FIGLA: variants seen among roughly 807,000 people sequenced by gnomAD.
The protein encoded by FIGLA is folliculogenesis specific bHLH transcription factor, also known as factor in the germline alpha.
FIGLA carries 17 observed loss-of-function variants against 21.5 expected under a neutral mutation model. That is an observed-to-expected ratio of 0.79 (90% CI 0.54 to 1.19). The LOEUF (loss-of-function observed/expected upper bound fraction) is 1.19. Among genes scored for constraint, FIGLA ranks in the 50% most tolerant of loss-of-function variants. The pLI is 0.00. For missense variants in FIGLA, 282 were observed against 285.0 expected, an observed-to-expected ratio of 0.99 and a Z score of 0.08; for synonymous variants, 129 against 117.6, an observed-to-expected ratio of 1.10 and a Z score of -0.63.
At chr2:70,787,029 C>A (rs10171584) in intron 2 of FIGLA, among the ~76,000 whole-genome samples, 1 of 152,206 alleles carries the variant, frequency 6.6e-6, no homozygotes, top group Admixed American at 6.5e-5. Flanking sequence ...AACCAGTCCA[C>A]ACTTTACTTT....
At chr2:70,785,874 G>A (rs1675945323) in intron 2 of FIGLA, among the ~76,000 whole-genome samples, 1 of 152,142 alleles carries the variant, frequency 6.6e-6, no homozygotes, top group Admixed American at 6.5e-5. Flanking sequence ...GGAACAGATG[G>A]TATGTTTTAC....
At chr2:70,786,127 G>C (rs1553389976) in intron 2 of FIGLA, among the ~76,000 whole-genome samples, 1 of 151,998 alleles carries the variant, frequency 6.6e-6, no homozygotes, top group Non-Finnish European at 1.5e-5. Flanking sequence ...AAATTTCTAG[G>C]ATAATTGTTT....
intron 3 of FIGLA, among the ~76,000 whole-genome samples, chr2:70,783,594 C>T (rs1356573242): frequency 1.3e-5 from 2 of 152,006 alleles, no homozygotes; most frequent in Non-Finnish European, 2.9e-5. Context: ...ACCTACCTGA[C>T]AAGGATCAAT....
At chr2:70,779,790 G>C (rs1178600070) in intron 3 of FIGLA, among the ~76,000 whole-genome samples, 2 of 152,124 alleles carry the variant, frequency 1.3e-5, no homozygotes, top group African/African-American at 4.8e-5. Context: ...GGTGGTCTTT[G>C]TCTAGAGACA....
chr2:70,785,566 G>T lies in FIGLA; in HGVS notation c.458C>A (p.Ser153Ter), dbSNP rs1354605004. The T allele has an allele frequency of 3.1e-6, 5 of 1,613,838 alleles. No homozygotes were observed. Among genetic ancestry groups the T allele is most frequent in the Non-Finnish European group, 4.2e-6 (5 of 1,179,888 alleles). ...GCTGATATGTTGGGTGATGTTTCTT[G>T]ACAGCTGTCTTGCCGAGGATGTATG... ...ESHTSSARQL[S>*]RNITQHISCA... is the part of the protein sequence containing the mutation. The change falls in exon 3 of 5, where the codon TCA (serine) becomes TAA (stop). Residue 153 changes from serine to a stop codon, truncating the protein, a stop_gained. Coordinates refer to ENST00000332372, the MANE Select transcript of FIGLA (RefSeq NM_001004311.3). LOFTEE classifies it high-confidence loss of function.
Position 70,790,570 on chromosome 2 carries a change from G to C in FIGLA, c.69C>G (p.Ala23=). 2 of 1,519,422 alleles carry C rather than the reference G, an allele frequency of 1.3e-6. No individual in the cohort carries two copies. The highest frequency in any genetic ancestry group is 2.4e-5 in the South Asian group (2 of 82,004). 94.1% of individuals were successfully genotyped at this position (1,519,422 alleles called of 1,614,324 possible). A position where few individuals can be genotyped will look rare whatever the true frequency, so the allele number is the denominator to read the frequency against. The change falls in exon 1 of 5, where the codon GCC becomes GCG. Residue 23 remains alanine (A), a synonymous_variant. Coordinates refer to ENST00000332372, the MANE Select transcript of FIGLA (RefSeq NM_001004311.3). ...CCCGCAACACGTCCTCCAGCACCTCGGCTTGCGGGGTGCCCAGGAGCGCGG... is the reference window on the plus strand; with the variant it reads ...CCCGCAACACGTCCTCCAGCACCTCCGCTTGCGGGGTGCCCAGGAGCGCGG... ...APPALLGTPQ[A]EVLEDVLREQ... is the part of the protein sequence containing the mutation.
chr2:70,787,844 T>C, intron 1 of FIGLA, 43 bp from the exon 2 acceptor site: 1 of 1,591,502 alleles, frequency 6.3e-7, no homozygotes, highest in South Asian at 1.2e-5. Context: ...GAAGCCAATT[T>C]GTATAGACAT....
intron 3 of FIGLA, among the ~76,000 whole-genome samples, chr2:70,781,958 TA>T (rs1675863484): frequency 6.6e-6 from 1 of 152,230 alleles, no homozygotes; most frequent in Non-Finnish European, 1.5e-5. Context: ...CCAGTTTTGA[TA>T]TTATACTATA....
Position 70,787,695 on chromosome 2 carries a change from T to C in FIGLA, c.338A>G (p.Tyr113Cys), listed in dbSNP as rs1675980463. 1 of 1,600,082 alleles carries C rather than the reference T, an allele frequency of 6.2e-7. No homozygotes were observed. Among genetic ancestry groups the C allele is most frequent in the East Asian group, 2.2e-5 (1 of 44,680 alleles). ...CAAAAGATCACTGAGAACCTGTATA[T>C]ATTCAGTCGCACCTTTAAGGATATC... ...KVDILKGATE[Y>C]IQVLSDLLEG... Residue 113 changes from tyrosine to cysteine, a missense_variant, in exon 2 of 5, where the codon TAT (tyrosine) becomes TGT (cysteine). Physicochemically the swap from Tyr to Cys is radical, Grantham distance 194. Transcript: ENST00000332372.
At chr2:70,789,491 G>GTTTT (rs797031454) in intron 1 of FIGLA, among the ~76,000 whole-genome samples, 3 of 152,234 alleles carry the variant, frequency 2.0e-5, no homozygotes, top group East Asian at 3.9e-4. Flanking sequence ...GAGACTTAAA[G>GTTTT]AAGTCTCCTA....
intron 3 of FIGLA, among the ~76,000 whole-genome samples, chr2:70,781,889 A>G (rs1190528047): frequency 1.3e-5 from 2 of 152,124 alleles, no homozygotes; most frequent in Non-Finnish European, 2.9e-5. Flanking sequence ...GATTCCATGA[A>G]TCTACACGTG....
At chr2:70,787,873 G>A (rs1675984320) in intron 1 of FIGLA, 72 bp from the exon 2 acceptor site, 1 of 1,523,632 alleles carries the variant, frequency 6.6e-7, no homozygotes, top group Non-Finnish European at 8.9e-7. Context: ...GCTACAGAAG[G>A]GGGTTGTTTC....
intron 3 of FIGLA, among the ~76,000 whole-genome samples, chr2:70,778,465 C>T (rs1553388668): frequency 6.6e-6 from 1 of 150,960 alleles, no homozygotes; most frequent in African/African-American, 2.4e-5. Flanking sequence ...ATAGTTCAGA[C>T]CTAGCTTTGG....
Position 70,787,772 on chromosome 2 carries a change from T to C in FIGLA, c.261A>G (p.Arg87=). ...RIKNLNRGFA[R]LKALVPFLPQ... ...GAAGAAATGGCACAAGTGCCTTCAA[T>C]CTGGCAAAACCACGGTTGAGATTTT... is the stretch of plus-strand genomic sequence containing the variant. The change falls in exon 2 of 5, where the codon AGA becomes AGG. Residue 87 remains arginine, a synonymous_variant. Coordinates refer to ENST00000332372, the MANE Select transcript of FIGLA (RefSeq NM_001004311.3). The C allele has an allele frequency of 6.2e-7, 1 of 1,613,132 alleles. No individual in the cohort carries two copies. The highest frequency in any genetic ancestry group is 8.5e-7 in the Non-Finnish European group (1 of 1,179,696).
At chr2:70,779,312 T>G (rs1558596630) in intron 3 of FIGLA, among the ~76,000 whole-genome samples, 1 of 152,148 alleles carries the variant, frequency 6.6e-6, no homozygotes, top group Non-Finnish European at 1.5e-5. Context: ...ATATGCCCCA[T>G]GGGCTATTGG....
rs782194107 is a variant in FIGLA, at chr2:70,785,625, A to C, written c.399T>G (p.Asp133Glu). ...AACTGTTGTTACTATAGCTCTGCTC[A>C]TCTGGGTCTTGTTTCTGGAAACCAT... Reference protein sequence around the residue: ...GAKDSKKQDPDEQSYSNNSSE... With the variant: ...GAKDSKKQDPEEQSYSNNSSE... The change falls in exon 3 of 5, where the codon GAT becomes GAG. Residue 133 changes from aspartate (D) to glutamate (E), a missense_variant. Physicochemically the swap from Asp to Glu is conservative, Grantham distance 45 (BLOSUM62 2). Transcript: ENST00000332372. 1 of 1,613,662 alleles carries C rather than the reference A, an allele frequency of 6.2e-7. No homozygotes were observed. The highest frequency in any genetic ancestry group is 1.7e-5 in the Admixed American group (1 of 60,020).
At chr2:70,790,374 G>C (rs782137548) in intron 1 of FIGLA, 34 bp downstream of exon 1, 7 of 1,492,860 alleles carry the variant, frequency 4.7e-6, no homozygotes, top group East Asian at 2.8e-5. Context: ...AGCAGGGAAG[G>C]GGGGAACGGA....
intron 1 of FIGLA, 54 bp from the exon 2 acceptor site, chr2:70,787,855 C>A (rs959129625): frequency 1.1e-5 from 17 of 1,571,092 alleles, no homozygotes; most frequent in Non-Finnish European, 1.5e-5. Flanking sequence ...GTATAGACAT[C>A]TCCCCAAGCT....
chr2:70,782,415 T>C (rs1675872101), intron 3 of FIGLA, among the ~76,000 whole-genome samples: 1 of 152,208 alleles, frequency 6.6e-6, no homozygotes, highest in African/African-American at 2.4e-5. Flanking sequence ...GTGTCATGGT[T>C]ATAAGTCACA....
Sources: allele counts gnomAD v4.1 joint callset (sites outside exome capture counted in the v4.1 genomes callset), GRCh38; gene constraint gnomAD v4.1.1; transcripts MANE v1.5; gene names NCBI Gene and HGNC (gene_info 2026-07-23, HGNC 2026-07-21).